Variants in DNAH6 observed in about 807,000 individuals in gnomAD.
DNAH6 encodes axonemal beta dynein heavy chain 6.
A neutral mutation model predicts 491.4 loss-of-function variants in DNAH6; 340 were observed. The ratio of observed to expected loss-of-function variants is 0.69; its 90% CI spans 0.63 to 0.76. DNAH6 has a LOEUF of 0.76. Ranked by LOEUF, DNAH6 falls within the 30% of genes least tolerant of loss-of-function variation. The pLI, the probability that DNAH6 is intolerant of heterozygous loss-of-function variation, is 0.00. For synonymous variants in DNAH6, 1,603 were observed against 1,686.1 expected, an observed-to-expected ratio of 0.95 and a Z score of 1.21; for missense variants, 4,443 against 4,972.2, an observed-to-expected ratio of 0.89 and a Z score of 3.20.
intron 22 of DNAH6, among the ~76,000 whole-genome samples, chr2:84,615,517 GCT>G (rs1419246986): frequency 6.6e-5 from 10 of 152,022 alleles, no homozygotes; most frequent in Admixed American, 4.6e-4. Context: ...GGCTATGTGG[GCT>G]CTTTTTTTGG....
At chr2:84,530,003 A>G (rs1471937948) in intron 4 of DNAH6, among the ~76,000 whole-genome samples, 1 of 152,236 alleles carries the variant, frequency 6.6e-6, no homozygotes, top group Admixed American at 6.5e-5. Context: ...AAAGAGCTTA[A>G]CAGCAGTGAA....
At chr2:84,818,484 CAAAAAAAAAAAAAAAA>C (rs59242387) in intron 76 of DNAH6, among the ~76,000 whole-genome samples, 5 of 63,832 alleles carry the variant, frequency 7.8e-5, no homozygotes, top group Admixed American at 2.5e-4. Context: ...GACCCTATCT[CAAAAAAAAAAAAAAAA>C]AAAAAAAAAA....
chr2:84,497,988 C>T, the DNAH6 span, among the ~76,000 whole-genome samples: 31 of 152,180 alleles, frequency 2.0e-4, no homozygotes, highest in East Asian at 3.8e-4. Flanking sequence ...CCAGCCCTTC[C>T]GTTCTCCACC....
chr2:84,734,800 G>A (rs1049122031), intron 62 of DNAH6, among the ~76,000 whole-genome samples: 1 of 152,080 alleles, frequency 6.6e-6, no homozygotes, highest in African/African-American at 2.4e-5. Context: ...ATAAAAATAG[G>A]TTTACAGTTA....
chr2:84,581,402 T>C (rs188950390), intron 14 of DNAH6, among the ~76,000 whole-genome samples: 72 of 152,022 alleles, frequency 4.7e-4, no homozygotes, highest in Admixed American at 3.2e-3. Flanking sequence ...TCACTTAGCG[T>C]GGTGCAAAAA....
chr2:84,569,956 G>T (rs541320588), intron 11 of DNAH6, among the ~76,000 whole-genome samples: 1 of 152,092 alleles, frequency 6.6e-6, no homozygotes, highest in Non-Finnish European at 1.5e-5. Context: ...TGTATGTGGG[G>T]TGTATGTGCG....
At chr2:84,518,453 G>T (rs1356187711) in intron 2 of DNAH6, among the ~76,000 whole-genome samples, 1 of 152,134 alleles carries the variant, frequency 6.6e-6, no homozygotes, top group African/African-American at 2.4e-5. Flanking sequence ...AAAATTGTGT[G>T]CATGTTGAAA....
chr2:84,533,338 G>A (rs1395806830), intron 4 of DNAH6, among the ~76,000 whole-genome samples: 1 of 152,080 alleles, frequency 6.6e-6, no homozygotes, highest in Non-Finnish European at 1.5e-5. Flanking sequence ...AGGAAATGAA[G>A]AGTAAGATTT....
chr2:84,665,194 G>A (rs375862536), intron 37 of DNAH6, among the ~76,000 whole-genome samples: 1 of 152,050 alleles, frequency 6.6e-6, no homozygotes, highest in Non-Finnish European at 1.5e-5. Context: ...AAGAACTAGA[G>A]AAGCAAGAGC....
the DNAH6 span, among the ~76,000 whole-genome samples, chr2:84,470,659 A>G: frequency 6.6e-6 from 1 of 152,078 alleles, no homozygotes; most frequent in East Asian, 1.9e-4. Flanking sequence ...TATGACCTGT[A>G]TTTTGTGCTG....
At chr2:84,606,836 G>A in intron 20 of DNAH6, 140 bp from the exon 21 acceptor site, 2 of 787,712 alleles carry the variant, frequency 2.5e-6, no homozygotes, top group South Asian at 2.7e-5. Context: ...GGAAATTGAT[G>A]AGTAGGAAAC....
chr2:84,585,973 C>A (rs1032058120), intron 15 of DNAH6, among the ~76,000 whole-genome samples: 6 of 152,200 alleles, frequency 3.9e-5, no homozygotes, highest in Admixed American at 3.9e-4. Flanking sequence ...GGACCCACCC[C>A]CTTCCATTCA....
At chr2:84,613,498 C>T (rs1391165535) in intron 22 of DNAH6, among the ~76,000 whole-genome samples, 1 of 152,058 alleles carries the variant, frequency 6.6e-6, no homozygotes, top group Non-Finnish European at 1.5e-5. Flanking sequence ...CAGGTGGGGA[C>T]ACCAGCTGCT....
intron 45 of DNAH6, among the ~76,000 whole-genome samples, chr2:84,689,834 C>T (rs1694669178): frequency 6.6e-6 from 1 of 152,198 alleles, no homozygotes; most frequent in African/African-American, 2.4e-5. Context: ...GTGGGGATCA[C>T]AGCCAGTGCT....
chr2:84,562,089 A>G (rs989972088), intron 11 of DNAH6, among the ~76,000 whole-genome samples: 3 of 152,172 alleles, frequency 2.0e-5, no homozygotes, highest in African/African-American at 7.2e-5. Flanking sequence ...AAAAATAGAG[A>G]AGGAGGAGAA....
At chr2:84,692,917 C>T (rs1192296) in intron 45 of DNAH6, among the ~76,000 whole-genome samples, 15,546 of 152,234 alleles carry the variant, frequency 0.1, 1,349 homozygotes, top group African/African-American at 0.24. Flanking sequence ...TAATCTATTA[C>T]TTCTGCATTA....
chr2:84,802,670 A>C (rs980135144), intron 70 of DNAH6, among the ~76,000 whole-genome samples: 3 of 152,192 alleles, frequency 2.0e-5, no homozygotes, highest in Non-Finnish European at 4.4e-5. Context: ...GAAAATTAAC[A>C]AAGAAATTCT....
chr2:84,579,721 T>C lies in DNAH6; in HGVS notation c.2229+42T>C, dbSNP rs372072234. 215 of 1,488,258 alleles carry C rather than the reference T, an allele frequency of 1.4e-4. 1 individual carries two copies. The African/African-American group carries it at 2.3e-3, about 16-fold the overall frequency. 92.2% of individuals were successfully genotyped at this position (1,488,258 alleles called of 1,614,324 possible). The stretch of plus-strand genomic sequence containing the variant: ...ATATAACTCAATATTCCAGATCTTA[T>C]AGTAGGAAGGAAGACATAGGACAAG... On this transcript the variant is annotated intron_variant, in intron 14 of 76. Coordinates refer to ENST00000389394, the MANE Select transcript of DNAH6 (RefSeq NM_001370.2).
At chr2:84,682,703 C>T (rs1188785098) in intron 42 of DNAH6, among the ~76,000 whole-genome samples, 4 of 152,158 alleles carry the variant, frequency 2.6e-5, no homozygotes, top group Admixed American at 2.6e-4. Flanking sequence ...CTATGCAATC[C>T]ACAAATAGTC....
Sources: allele counts gnomAD v4.1 joint callset (sites outside exome capture counted in the v4.1 genomes callset), GRCh38; gene constraint gnomAD v4.1.1; transcripts MANE v1.5; gene names NCBI Gene and HGNC (gene_info 2026-07-23, HGNC 2026-07-21).